GRID1: variants seen among roughly 807,000 people sequenced by gnomAD.
GRID1 encodes the protein glutamate ionotropic receptor delta type subunit 1, also known as glutamate receptor ionotropic, delta-1.
Under a neutral mutation model 98.0 loss-of-function variants are expected in GRID1, and 28 were observed. The ratio of observed to expected loss-of-function variants is 0.29; its 90% CI spans 0.21 to 0.39. The LOEUF (loss-of-function observed/expected upper bound fraction) is 0.39, where lower values mean the gene tolerates loss of function less well. GRID1 is among the 10% of genes least tolerant of loss of function. GRID1 has a pLI of 1.00. For missense variants in GRID1, 1,111 were observed against 1,340.5 expected, an observed-to-expected ratio of 0.83 and a Z score of 2.67; for synonymous variants, 553 against 538.5, an observed-to-expected ratio of 1.03 and a Z score of -0.37.
At chr10:86,059,255 C>T in intron 4 of GRID1, among the ~76,000 whole-genome samples, 1 of 152,124 alleles carries the variant, frequency 6.6e-6, no homozygotes, top group South Asian at 2.1e-4. Flanking sequence ...TTGTCAGGGG[C>T]CTGATTACAT....
chr10:85,904,474 G>C (rs1055864131), intron 5 of GRID1, among the ~76,000 whole-genome samples: 1 of 152,160 alleles, frequency 6.6e-6, no homozygotes, highest in Non-Finnish European at 1.5e-5. Context: ...TTGCAGGAAA[G>C]ACTACTAGAG....
At chr10:85,982,175 T>C (rs1314338886) in intron 4 of GRID1, among the ~76,000 whole-genome samples, 1 of 139,498 alleles carries the variant, frequency 7.2e-6, no homozygotes, top group Non-Finnish European at 1.5e-5. Flanking sequence ...TTGAAAGTGA[T>C]GAAAAGGGCT....
chr10:86,128,959 T>C (rs955077391), intron 4 of GRID1, among the ~76,000 whole-genome samples: 4 of 152,160 alleles, frequency 2.6e-5, no homozygotes, highest in African/African-American at 7.2e-5. Flanking sequence ...TTGACTCCAT[T>C]GAGCAGATGA....
rs113249971 is a variant in GRID1 at position 85,855,731 on chromosome 10, C to T, written c.1113+298G>A. Among the ~76,000 whole-genome samples, 838 of 152,302 alleles carry T rather than the reference C, an allele frequency of 5.5e-3. 6 individuals are homozygous for T. Among genetic ancestry groups the T allele is most frequent in the African/African-American group, 0.019 (781 of 41,556 alleles). On this transcript the variant is annotated intron_variant, in intron 7 of 15. Coordinates refer to ENST00000327946, the MANE Select transcript of GRID1 (RefSeq NM_017551.3). ...TGCATAGAGGGGTACCTTGCAGACA[C>T]GGGATAGGCAGCTGCCTCCATTTCA... is the stretch of plus-strand genomic sequence containing the variant.
chr10:86,187,951 C>T (rs1304954894), intron 3 of GRID1, among the ~76,000 whole-genome samples: 1 of 152,198 alleles, frequency 6.6e-6, no homozygotes, highest in East Asian at 1.9e-4. Flanking sequence ...AAGGAAGAGA[C>T]CCACCAAAAG....
At chr10:85,846,383 G>A (rs1218756688) in intron 8 of GRID1, among the ~76,000 whole-genome samples, 1 of 152,034 alleles carries the variant, frequency 6.6e-6, no homozygotes, top group Non-Finnish European at 1.5e-5. Flanking sequence ...AATCAGCCAG[G>A]CATAGTGGCA....
At chr10:85,912,899 A>T (rs969953745) in intron 5 of GRID1, among the ~76,000 whole-genome samples, 1 of 152,228 alleles carries the variant, frequency 6.6e-6, no homozygotes, top group African/African-American at 2.4e-5. Context: ...CTATACTTGG[A>T]TAGCTTAAAA....
intron 6 of GRID1, among the ~76,000 whole-genome samples, chr10:85,857,136 C>T (rs1363080235): frequency 6.6e-6 from 1 of 152,202 alleles, no homozygotes. Context: ...GCCTGCTCTG[C>T]AGTGGAGTCA....
intron 12 of GRID1, among the ~76,000 whole-genome samples, chr10:85,690,757 T>C (rs1024993812): frequency 1.3e-5 from 2 of 152,160 alleles, no homozygotes. Context: ...TCAAATTCAC[T>C]GGCATATCAA....
At chr10:85,866,377 G>A (rs1843221726) in intron 6 of GRID1, among the ~76,000 whole-genome samples, 1 of 148,280 alleles carries the variant, frequency 6.7e-6, no homozygotes, top group African/African-American at 2.5e-5. Context: ...CACCTCCACA[G>A]TAATGATGAT....
At chr10:86,171,286 G>A (rs537016942) in intron 3 of GRID1, among the ~76,000 whole-genome samples, 8 of 152,314 alleles carry the variant, frequency 5.3e-5, no homozygotes, top group South Asian at 2.1e-4. Context: ...CAATAGAAGC[G>A]TTTCTGCCTC....
At chr10:86,056,616 G>T (rs1843576119) in intron 4 of GRID1, among the ~76,000 whole-genome samples, 1 of 152,210 alleles carries the variant, frequency 6.6e-6, no homozygotes, top group African/African-American at 2.4e-5. Flanking sequence ...GGTAGGACCT[G>T]GGTGTCTCCT....
intron 4 of GRID1, among the ~76,000 whole-genome samples, chr10:85,935,386 C>A (rs899182213): frequency 2.0e-5 from 3 of 152,166 alleles, no homozygotes; most frequent in African/African-American, 7.2e-5. Flanking sequence ...CCAAAATCAC[C>A]CCAGTGTGGC....
chr10:86,357,077 A>G (rs1250305550), intron 2 of GRID1, among the ~76,000 whole-genome samples: 1 of 152,196 alleles, frequency 6.6e-6, no homozygotes, highest in African/African-American at 2.4e-5. Context: ...AAAATTGTCA[A>G]AGTACTCATG....
chr10:86,353,795 GGTAC>G (rs1848496872), intron 2 of GRID1, among the ~76,000 whole-genome samples: 1 of 152,212 alleles, frequency 6.6e-6, no homozygotes, highest in Admixed American at 6.5e-5. Context: ...AGTGAGGGCA[GGTAC>G]CCTGGGAGCC....
chr10:86,141,562 CA>C (rs1267150644), intron 3 of GRID1, among the ~76,000 whole-genome samples: 1 of 152,224 alleles, frequency 6.6e-6, no homozygotes, highest in Non-Finnish European at 1.5e-5. Context: ...GTGCTGGGCA[CA>C]TAACAGCCTT....
chr10:86,245,900 C>T (rs778694257), intron 2 of GRID1, among the ~76,000 whole-genome samples: 1 of 152,266 alleles, frequency 6.6e-6, no homozygotes, highest in Non-Finnish European at 1.5e-5. Context: ...AGAAGGAACC[C>T]TCATGGTCCC....
Position 86,279,826 on chromosome 10 carries a change from A to G in GRID1, c.236-73178T>C, listed in dbSNP as rs75892323. Among the ~76,000 whole-genome samples the G allele has an allele frequency of 4.8e-3, 730 of 152,366 alleles. 7 individuals carry two copies. Among genetic ancestry groups the G allele is most frequent in the African/African-American group, 0.016 (678 of 41,592 alleles). ...ACTGTCTTTCTTCACAGGTGACATT[A>G]TCATTTACTTAGAAAATTTGATGGA... On this transcript the variant is annotated intron_variant, in intron 2 of 15. Transcript: ENST00000327946.
chr10:85,801,599 T>C (rs144458584), intron 8 of GRID1, among the ~76,000 whole-genome samples: 67 of 151,838 alleles, frequency 4.4e-4, no homozygotes, highest in African/African-American at 1.6e-3. Context: ...TTCCATAATA[T>C]TTAATATCTT....
Sources: gnomAD v4.1 joint callset for allele counts (sites outside exome capture counted in the v4.1 genomes callset) on GRCh38, gnomAD v4.1.1 for gene constraint, MANE v1.5 for transcripts, NCBI Gene and HGNC (gene_info 2026-07-23, HGNC 2026-07-21) for gene names.